TBC1D2: variants seen among roughly 807,000 people sequenced by gnomAD.
TBC1D2 encodes the protein TBC1 domain family member 2A.
Under a neutral mutation model 91.1 loss-of-function variants are expected in TBC1D2, and 58 were observed. The ratio of observed to expected loss-of-function variants is 0.64; its 90% CI spans 0.52 to 0.79. The LOEUF (loss-of-function observed/expected upper bound fraction) is 0.79, where lower values mean the gene tolerates loss of function less well. Among genes scored for constraint, TBC1D2 ranks in the 30% least tolerant of loss-of-function variants. The pLI is 0.00. For missense variants in TBC1D2, 1,080 were observed against 1,208.3 expected, an observed-to-expected ratio of 0.89 and a Z score of 1.57; for synonymous variants, 482 against 511.5, an observed-to-expected ratio of 0.94 and a Z score of 0.78.
chr9:98,241,778 C>A (rs115717184), intron 3 of TBC1D2, among the ~76,000 whole-genome samples: 2,613 of 152,246 alleles, frequency 0.017, 71 homozygotes, highest in African/African-American at 0.06. Flanking sequence ...AACAGGTGAT[C>A]TCCTGCAGGG....
rs564028344 is a variant in TBC1D2 at position 98,224,333 on chromosome 9, A to C, written c.979-3105T>G. ...GGTCTCACTCTGTTGCCCAGGCTGG[A>C]GTGCAGTGGCGCAATCACGGCCCAC... On this transcript the variant is annotated intron_variant, in intron 5 of 12. Coordinates refer to ENST00000465784, the MANE Select transcript of TBC1D2 (RefSeq NM_001267571.2). Among the ~76,000 whole-genome samples, 6 of 116,984 alleles carry C rather than the reference A, an allele frequency of 5.1e-5. No individual in the cohort carries two copies. The East Asian group carries it at 1.7e-3, about 32-fold the overall frequency. 76.7% of individuals were successfully genotyped at this position (116,984 alleles called of 152,430 possible). A position where few individuals can be genotyped will look rare whatever the true frequency, so the allele number is the denominator to read the frequency against.
Position 98,208,840 on chromosome 9 carries a change from G to A in TBC1D2, c.1978C>T (p.Gln660Ter), listed in dbSNP as rs377003018. 5 of 1,610,398 alleles carry A rather than the reference G, an allele frequency of 3.1e-6. No homozygotes were observed. The highest frequency in any genetic ancestry group is 1.3e-5 in the African/African-American group (1 of 74,848). ...GCYQELLSRG[Q>*]AREHPAARQI... is the part of the protein sequence containing the mutation. ...CGGGCAGCAGGGTGCTCGCGGGCCT[G>A]GCCCCGGCTCAGCAGTTCCTGGTAG... The change falls in exon 9 of 13, where the codon CAG (glutamine) becomes TAG (stop). Residue 660 changes from glutamine to a stop codon, truncating the protein, a stop_gained. Coordinates refer to ENST00000465784, the MANE Select transcript of TBC1D2 (RefSeq NM_001267571.2). LOFTEE classifies it high-confidence loss of function.
chr9:98,237,698 C>T lies in TBC1D2; in HGVS notation c.648-4149G>A, dbSNP rs140318787. 1.5e-3 allele frequency among the ~76,000 whole-genome samples: 224 copies of T among 150,684 alleles called. 1 individual carries two copies. The highest frequency in any genetic ancestry group is 4.7e-3 in the African/African-American group (191 of 41,066). ...ATTTTTTTTGTATTTTTAGTAGAGA[C>T]GGGGCAAACTTTTTTTATTCTTCAA... On this transcript the variant is annotated intron_variant, in intron 3 of 12. Coordinates refer to ENST00000465784, the MANE Select transcript of TBC1D2 (RefSeq NM_001267571.2).
At chr9:98,237,059 G>A (rs573532768) in intron 3 of TBC1D2, among the ~76,000 whole-genome samples, 16 of 152,162 alleles carry the variant, frequency 1.1e-4, no homozygotes, top group South Asian at 8.3e-4. Context: ...GACTTTGGCC[G>A]GGTGCAGTGG....
Position 98,251,142 on chromosome 9 carries a change from G to A in TBC1D2, c.511+643C>T, listed in dbSNP as rs377110233. On this transcript the variant is annotated intron_variant, in intron 2 of 12. Transcript: ENST00000465784. ...TCTACTAAAAATACAAAAATTAGCC[G>A]GGCGTGGTGGCACGTGCCTGTAATC... 7.2e-5 allele frequency among the ~76,000 whole-genome samples: 11 copies of A among 152,046 alleles called. No homozygotes were observed. In the South Asian group the frequency reaches 1.7e-3, roughly 23 times the overall value.
chr9:98,243,353 G>A (rs10818662), intron 3 of TBC1D2, among the ~76,000 whole-genome samples: 36,661 of 151,748 alleles, frequency 0.24, 4,650 homozygotes, highest in Non-Finnish European at 0.28. Context: ...TGTCTGGGTG[G>A]TAGGATTATG....
chr9:98,218,348 C>T (rs1030170359), intron 6 of TBC1D2, among the ~76,000 whole-genome samples: 3 of 151,950 alleles, frequency 2.0e-5, no homozygotes, highest in East Asian at 3.9e-4. Flanking sequence ...AGGCAGATCA[C>T]GCGGTCAGGA....
intron 9 of TBC1D2, among the ~76,000 whole-genome samples, chr9:98,205,577 C>A (rs1271353117): frequency 6.6e-6 from 1 of 151,876 alleles, no homozygotes; most frequent in Non-Finnish European, 1.5e-5. Context: ...GACAGAGACT[C>A]ACTCTGTTGC....
chr9:98,254,646 T>G (rs145108718), intron 1 of TBC1D2, among the ~76,000 whole-genome samples: 1 of 152,330 alleles, frequency 6.6e-6, no homozygotes, highest in East Asian at 1.9e-4. Flanking sequence ...AGATGAACAA[T>G]CTAGGCTGAT....
At chr9:98,211,714 G>C (rs961643824) in intron 7 of TBC1D2, among the ~76,000 whole-genome samples, 3 of 151,910 alleles carry the variant, frequency 2.0e-5, no homozygotes, top group African/African-American at 7.3e-5. Flanking sequence ...CTCTGTGCCT[G>C]TTCTTCTACC....
Position 98,233,413 on chromosome 9 carries a change from C to A in TBC1D2, c.781+3G>T. The A allele has an allele frequency of 6.2e-7, 1 of 1,613,386 alleles. No homozygotes were observed. The highest frequency in any genetic ancestry group is 8.5e-7 in the Non-Finnish European group (1 of 1,179,624). On this transcript the variant is annotated splice_donor_region_variant and intron_variant, in intron 4 of 12. Coordinates refer to ENST00000465784, the MANE Select transcript of TBC1D2 (RefSeq NM_001267571.2). ...GGCAGCTCAGCCCTGGACAGAGGCT[C>A]ACCTGGGGTGCTGGCGTCAGAGGCC...
intron 8 of TBC1D2, 23 bp downstream of exon 8, chr9:98,210,633 C>T (rs1828808737): frequency 6.4e-7 from 1 of 1,554,038 alleles, no homozygotes; most frequent in East Asian, 2.3e-5. Context: ...ATAGACCAGC[C>T]CTTCCTGGGC....
intron 3 of TBC1D2, chr9:98,235,689 T>C (rs573416229): frequency 2.8e-5 from 8 of 288,688 alleles, no homozygotes; most frequent in Non-Finnish European, 5.4e-5. Context: ...TTTCAGAGTT[T>C]ATTTCTCATG....
intron 2 of TBC1D2, among the ~76,000 whole-genome samples, chr9:98,244,729 T>C (rs1458794674): frequency 6.8e-6 from 1 of 146,320 alleles, no homozygotes; most frequent in Non-Finnish European, 1.5e-5. Context: ...ATCCTAAAGA[T>C]GGAAGTGCAG....
intron 3 of TBC1D2, chr9:98,235,548 A>C: frequency 2.2e-6 from 1 of 455,550 alleles, no homozygotes; most frequent in Non-Finnish European, 4.3e-6. Context: ...TTTATTCGAC[A>C]TTCAAAATCT....
rs761473465 is a variant in TBC1D2, at chr9:98,199,465, T to C, written c.2703A>G (p.Ala901=). The change falls in exon 13 of 13, where the codon GCA becomes GCG. Residue 901 remains alanine, a synonymous_variant. Coordinates refer to ENST00000465784, the MANE Select transcript of TBC1D2 (RefSeq NM_001267571.2). ...AELRELEQLK[A]EYLERRASRR... is the part of the protein sequence containing the mutation. ...GGGATGCCCGCCTCTCCAGGTACTCTGCCTTAAGCTGCTCCAGCTCCCGCA... is the reference window on the plus strand; with the variant it reads ...GGGATGCCCGCCTCTCCAGGTACTCCGCCTTAAGCTGCTCCAGCTCCCGCA... 4 of 1,614,106 alleles carry C rather than the reference T, an allele frequency of 2.5e-6. No individual in the cohort carries two copies. Among genetic ancestry groups the C allele is most frequent in the Non-Finnish European group, 1.7e-6 (2 of 1,180,016 alleles).
intron 2 of TBC1D2, among the ~76,000 whole-genome samples, chr9:98,249,709 A>G (rs1829833270): frequency 1.3e-5 from 2 of 152,210 alleles, no homozygotes; most frequent in Non-Finnish European, 2.9e-5. Flanking sequence ...AACAGCACCT[A>G]TATATGTTTG....
chr9:98,247,365 A>AC (rs1193947363), intron 2 of TBC1D2, among the ~76,000 whole-genome samples: 22 of 151,374 alleles, frequency 1.5e-4, no homozygotes, highest in East Asian at 5.8e-4. Context: ...AAACAAACAA[A>AC]AAAAAAAACA....
At chr9:98,249,849 G>A (rs749967474) in intron 2 of TBC1D2, among the ~76,000 whole-genome samples, 6 of 152,048 alleles carry the variant, frequency 3.9e-5, no homozygotes, top group Non-Finnish European at 8.8e-5. Flanking sequence ...TTATGCTAAG[G>A]GGTTTACATT....
Sources: gnomAD v4.1 joint callset for allele counts (sites outside exome capture counted in the v4.1 genomes callset) on GRCh38, gnomAD v4.1.1 for gene constraint, MANE v1.5 for transcripts, NCBI Gene and HGNC (gene_info 2026-07-23, HGNC 2026-07-21) for gene names.